IRAK2: variants seen among roughly 807,000 people sequenced by gnomAD.
IRAK2 encodes interleukin-1 receptor-associated kinase-like 2.
A neutral mutation model predicts 72.0 loss-of-function variants in IRAK2; 57 were observed. The observed-to-expected ratio is 0.79, with a 90% CI of 0.64 to 0.99. The LOEUF (loss-of-function observed/expected upper bound fraction) is 0.99, where lower values mean the gene tolerates loss of function less well. Ranked by LOEUF, IRAK2 falls within the 50% of genes least tolerant of loss-of-function variation. The pLI, the probability that IRAK2 is intolerant of heterozygous loss-of-function variation, is 0.00. For synonymous variants in IRAK2, 293 were observed against 312.7 expected (o/e 0.94, Z 0.67); for missense variants, 790 against 794.4 (o/e 0.99, Z 0.07).
intron 2 of IRAK2, among the ~76,000 whole-genome samples, chr3:10,181,505 CAGG>C (rs1386319193): frequency 2.6e-5 from 4 of 152,026 alleles, no homozygotes; most frequent in African/African-American, 9.7e-5. Context: ...GAGGCTGAGG[CAGG>C]AGAATTGCTT....
At chr3:10,189,484 C>T (rs965340607) in intron 2 of IRAK2, among the ~76,000 whole-genome samples, 4 of 152,356 alleles carry the variant, frequency 2.6e-5, no homozygotes, top group African/African-American at 9.6e-5. Context: ...TGTGAGGTTC[C>T]AGATGTCAAC....
intron 3 of IRAK2, among the ~76,000 whole-genome samples, chr3:10,205,881 G>A (rs1697426830): frequency 6.6e-6 from 1 of 152,192 alleles, no homozygotes; most frequent in South Asian, 2.1e-4. Flanking sequence ...CAGTCTGAGG[G>A]ATGCGGGCCA....
At chr3:10,174,864 A>G (rs1457125425) in intron 1 of IRAK2, among the ~76,000 whole-genome samples, 1 of 151,752 alleles carries the variant, frequency 6.6e-6, no homozygotes, top group Non-Finnish European at 1.5e-5. Context: ...TTCTCACTTC[A>G]GTAAACCAGT....
Position 10,177,911 on chromosome 3 carries a change from C to G in IRAK2, c.168C>G (p.Ile56Met). The G allele has an allele frequency of 6.2e-7, 1 of 1,613,914 alleles. No individual in the cohort carries two copies. Among genetic ancestry groups the G allele is most frequent in the South Asian group, 1.1e-5 (1 of 91,086 alleles). The stretch of plus-strand genomic sequence containing the variant: ...TGGAGCGGGTGCAGGGTGTGAGCAT[C>G]ACGCGGGAGCTGCTGTGGTGGTGGG... ...KSMERVQGVS[I>M]TRELLWWWGM... The change falls in exon 2 of 13, where the codon ATC becomes ATG. Residue 56 changes from isoleucine to methionine, a missense_variant. Transcript: ENST00000256458.
At position 10,185,301 on chromosome 3, in the gene IRAK2, T is replaced by C. The variant is rs374895061; in HGVS notation, c.277+7281T>C. On this transcript the variant is annotated intron_variant, in intron 2 of 12. Coordinates refer to ENST00000256458, the MANE Select transcript of IRAK2 (RefSeq NM_001570.4). ...GGCCCGGCGCGGTGGCTCATGCATG[T>C]AATCCCAGCACTTTGGGAGGCCCAG... Among the ~76,000 whole-genome samples, 3 of 150,300 alleles carry C rather than the reference T, an allele frequency of 2.0e-5. No individual in the cohort carries two copies. The East Asian group carries it at 6.0e-4, about 30-fold the overall frequency.
intron 6 of IRAK2, 38 bp downstream of exon 6, chr3:10,213,586 C>G (rs1396812059): frequency 6.7e-7 from 1 of 1,493,142 alleles, no homozygotes; most frequent in Non-Finnish European, 9.3e-7. Flanking sequence ...TGATAGCTAA[C>G]CTTTATATAG....
At chr3:10,169,357 C>T (rs995383724) in intron 1 of IRAK2, among the ~76,000 whole-genome samples, 1 of 152,176 alleles carries the variant, frequency 6.6e-6, no homozygotes, top group Non-Finnish European at 1.5e-5. Context: ...CCTGAGGGCA[C>T]TGCAGGAGAC....
intron 10 of IRAK2, among the ~76,000 whole-genome samples, chr3:10,230,384 A>G (rs1263579771): frequency 6.6e-6 from 1 of 151,892 alleles, no homozygotes; most frequent in African/African-American, 2.4e-5. Flanking sequence ...GTGCAGTGGC[A>G]TGATCATAGC....
At chr3:10,225,223 A>C (rs1182595725) in intron 9 of IRAK2, among the ~76,000 whole-genome samples, 2 of 152,056 alleles carry the variant, frequency 1.3e-5, no homozygotes, top group Non-Finnish European at 2.9e-5. Flanking sequence ...TTGCTTTGAG[A>C]GATGCTGTGG....
chr3:10,215,494 CAGCACCTATAAATA>C (rs1273089630), intron 6 of IRAK2, among the ~76,000 whole-genome samples: 2 of 150,556 alleles, frequency 1.3e-5, no homozygotes, highest in Non-Finnish European at 3.0e-5. Context: ...AACTTTTTCA[CAGCACCTATAAATA>C]AGCACTACTG....
intron 8 of IRAK2, among the ~76,000 whole-genome samples, chr3:10,221,443 T>C (rs564072456): frequency 4.8e-4 from 72 of 150,456 alleles, no homozygotes; most frequent in East Asian, 8.1e-4. Context: ...TTAGTAGAGA[T>C]AGGGTTTCAC....
intron 6 of IRAK2, 139 bp from the exon 7 acceptor site, chr3:10,216,795 C>T (rs1480315826): frequency 4.5e-6 from 3 of 661,320 alleles, no homozygotes; most frequent in Non-Finnish European, 5.5e-6. Flanking sequence ...GGGCCAGGCC[C>T]TTAGGGGTCA....
chr3:10,205,250 A>G (rs1435235636), intron 3 of IRAK2, among the ~76,000 whole-genome samples: 1 of 152,160 alleles, frequency 6.6e-6, no homozygotes, highest in Non-Finnish European at 1.5e-5. Flanking sequence ...CTCCTACCAC[A>G]GATAACTACC....
chr3:10,188,861 C>T (rs1286922945), intron 2 of IRAK2, among the ~76,000 whole-genome samples: 4 of 152,280 alleles, frequency 2.6e-5, no homozygotes, highest in East Asian at 1.9e-4. Context: ...AGGGTTTTGC[C>T]GTGTTGGCCA....
chr3:10,179,723 C>T (rs570022271), intron 2 of IRAK2, among the ~76,000 whole-genome samples: 5 of 152,104 alleles, frequency 3.3e-5, no homozygotes, highest in Admixed American at 1.3e-4. Context: ...TGTGAGCCAC[C>T]GTGCCCAGTC....
chr3:10,165,228 C>T (rs1235011037), intron 1 of IRAK2, among the ~76,000 whole-genome samples, 180 bp downstream of exon 1: 2 of 152,200 alleles, frequency 1.3e-5, no homozygotes, highest in Non-Finnish European at 2.9e-5. Context: ...CTGAAGGTGC[C>T]GCGTGGTCTC....
rs139674376 is a variant in IRAK2, at chr3:10,202,852, C to T, written c.424+2337C>T. 4.6e-3 allele frequency among the ~76,000 whole-genome samples: 706 copies of T among 151,892 alleles called. 11 individuals are homozygous for T. The highest frequency in any genetic ancestry group is 0.016 in the African/African-American group (672 of 41,424). On this transcript the variant is annotated intron_variant, in intron 3 of 12. Coordinates refer to ENST00000256458, the MANE Select transcript of IRAK2 (RefSeq NM_001570.4). ...GACTACAGGTGTACATCACTACGGC[C>T]GGCTAATTTTTTATTTTTGTAAAGA...
chr3:10,177,064 G>C (rs1193477155), intron 1 of IRAK2, among the ~76,000 whole-genome samples: 1 of 151,946 alleles, frequency 6.6e-6, no homozygotes, highest in Non-Finnish European at 1.5e-5. Context: ...GCCTCCCAAA[G>C]TGCTGGGATT....
intron 2 of IRAK2, among the ~76,000 whole-genome samples, chr3:10,191,187 C>T (rs1208876897): frequency 6.6e-6 from 1 of 151,748 alleles, no homozygotes; most frequent in African/African-American, 2.4e-5. Flanking sequence ...CCCAGCTACT[C>T]AAGAGGCTGA....
Sources: allele counts gnomAD v4.1 joint callset (sites outside exome capture counted in the v4.1 genomes callset), GRCh38; gene constraint gnomAD v4.1.1; transcripts MANE v1.5; gene names NCBI Gene and HGNC (gene_info 2026-07-23, HGNC 2026-07-21).